Variants in NCF2 observed in about 807,000 individuals in gnomAD.
NCF2 encodes neutrophil cytosol factor 2.
Under a neutral mutation model 70.9 loss-of-function variants are expected in NCF2, and 45 were observed. The ratio of observed to expected loss-of-function variants is 0.63; its 90% CI spans 0.50 to 0.81. The LOEUF is 0.81. Among genes scored for constraint, NCF2 ranks in the 40% least tolerant of loss-of-function variants. The probability of loss-of-function intolerance (pLI) is 0.00; values close to 1 mark genes in which losing one functional copy is unlikely to be tolerated. For missense variants in NCF2, 522 were observed against 631.6 expected (o/e 0.83, Z 1.86); for synonymous variants, 203 against 233.6 (o/e 0.87, Z 1.19).
chr1:183,580,712 C>T (rs935222196), intron 2 of NCF2, among the ~76,000 whole-genome samples: 3 of 152,164 alleles, frequency 2.0e-5, no homozygotes, highest in Non-Finnish European at 4.4e-5. Context: ...TGCAGTGGCT[C>T]GTGCCGGTAA....
At chr1:183,588,277 TA>T (rs752642057) in intron 1 of NCF2, among the ~76,000 whole-genome samples, 5 of 152,000 alleles carry the variant, frequency 3.3e-5, no homozygotes, top group African/African-American at 4.8e-5. Flanking sequence ...CTGTGGAAGA[TA>T]AAAAAGATAG....
At chr1:183,579,544 G>A (rs978430257) in intron 2 of NCF2, among the ~76,000 whole-genome samples, 9 of 151,996 alleles carry the variant, frequency 5.9e-5, no homozygotes, top group Middle Eastern at 3.4e-3. Context: ...GGCTAAAATG[G>A]TGAAACCCCA....
intron 2 of NCF2, among the ~76,000 whole-genome samples, chr1:183,581,343 G>A (rs1467750086): frequency 6.7e-6 from 1 of 149,872 alleles, no homozygotes; most frequent in African/African-American, 2.5e-5. Flanking sequence ...CAAAAAAACA[G>A]GGTGGGGCCA....
At chr1:183,574,736 A>AGGAGAGCTGAGAAAG in intron 3 of NCF2, 115 bp from the exon 4 acceptor site, 1 of 1,282,342 alleles carries the variant, frequency 7.8e-7, no homozygotes, top group Non-Finnish European at 1.1e-6. Flanking sequence ...TCCCTTTCTC[A>AGGAGAGCTGAGAAAG]GCTCTCCTGG....
rs761230183 is a variant in NCF2, at chr1:183,590,392, C to T, written c.-63G>A. 7 of 1,596,086 alleles carry T rather than the reference C, an allele frequency of 4.4e-6. No individual in the cohort carries two copies. The South Asian group carries it at 4.4e-5, about 10-fold the overall frequency. ...GAGACAGAGAGAAGACAGGTTGGAG[C>T]GTCTCCCCTAGCAGGGCTGCCTTAG... On this transcript the variant is annotated 5_prime_UTR_variant, in exon 1 of 15. Coordinates refer to ENST00000367535, the MANE Select transcript of NCF2 (RefSeq NM_000433.4).
chr1:183,560,115 T>C lies in NCF2; in HGVS notation c.1449A>G (p.Ile483Met). The C allele has an allele frequency of 6.2e-7, 1 of 1,614,140 alleles. No homozygotes were observed. Among genetic ancestry groups the C allele is most frequent in the Non-Finnish European group, 8.5e-7 (1 of 1,179,988 alleles). The change falls in exon 14 of 15, where the codon ATA becomes ATG. Residue 483 changes from isoleucine (I) to methionine (M), a missense_variant. Coordinates refer to ENST00000367535, the MANE Select transcript of NCF2 (RefSeq NM_000433.4). The part of the protein sequence containing the change: ...PEDLEFQEGD[I>M]ILVLSKVNEE... ...ACTTACCCTTTGATAACACCAGGAT[T>C]ATATCCCCTTCCTGAAACTCCAGGT...
At chr1:183,591,683 A>T (rs1392050449), upstream of NCF2, among the ~76,000 whole-genome samples, 1 of 152,114 alleles carries the variant, frequency 6.6e-6, no homozygotes, top group Non-Finnish European at 1.5e-5. Context: ...GGGTTTCACC[A>T]TGTTGGCCAG....
intron 11 of NCF2, 92 bp from the exon 12 acceptor site, chr1:183,563,677 G>T: frequency 6.6e-7 from 1 of 1,511,664 alleles, no homozygotes; most frequent in South Asian, 1.1e-5. Context: ...TGGCACAGGG[G>T]GTACCCAATA....
At chr1:183,577,503 T>C in intron 3 of NCF2, 96 bp downstream of exon 3, 4 of 1,019,356 alleles carry the variant, frequency 3.9e-6, no homozygotes, top group Non-Finnish European at 6.2e-6. Context: ...TTTTCCAAGC[T>C]CCTGGAGGTG....
intron 7 of NCF2, among the ~76,000 whole-genome samples, chr1:183,568,386 C>T (rs1213938294): frequency 1.3e-5 from 2 of 151,860 alleles, no homozygotes; most frequent in African/African-American, 2.4e-5. Flanking sequence ...CGGCTGGTCT[C>T]GAACTCCTGA....
At chr1:183,556,678 G>C (rs1671799857) in intron 14 of NCF2, among the ~76,000 whole-genome samples, 1 of 152,022 alleles carries the variant, frequency 6.6e-6, no homozygotes, top group African/African-American at 2.4e-5. Flanking sequence ...ACTACAGGCT[G>C]TGCCACCACG....
At chr1:183,596,288 A>G in the NCF2 span, among the ~76,000 whole-genome samples, 2 of 150,282 alleles carry the variant, frequency 1.3e-5, no homozygotes, top group East Asian at 3.9e-4. Flanking sequence ...GAGGGAATGT[A>G]TAATGCCTAT....
At chr1:183,574,717 T>C (rs1572163573) in intron 3 of NCF2, 96 bp from the exon 4 acceptor site, 1 of 1,462,176 alleles carries the variant, frequency 6.8e-7, no homozygotes, top group South Asian at 1.1e-5. Flanking sequence ...TGTTGCCTGG[T>C]AGCCTTTCTC....
At position 183,563,312 on chromosome 1, in the gene NCF2, T is replaced by C; in HGVS notation, c.1179-6A>G. On this transcript the variant is annotated splice_region_variant and splice_polypyrimidine_tract_variant and intron_variant, in intron 12 of 14. Transcript: ENST00000367535. ...TGCTGTCCCGAGGCCGATAGCTGGG[T>C]GGGGATAATGAGTAAGAATCCAGTC... is the stretch of plus-strand genomic sequence containing the variant. 1 of 1,613,932 alleles carries C rather than the reference T, an allele frequency of 6.2e-7. No homozygotes were observed. Among genetic ancestry groups the C allele is most frequent in the Non-Finnish European group, 8.5e-7 (1 of 1,179,962 alleles).
upstream of NCF2, among the ~76,000 whole-genome samples, chr1:183,594,485 G>A (rs1673736245): frequency 1.3e-5 from 2 of 152,102 alleles, no homozygotes; most frequent in Non-Finnish European, 1.5e-5. Context: ...TAGATAATAA[G>A]TTTGTTTATT....
intron 2 of NCF2, among the ~76,000 whole-genome samples, chr1:183,581,122 A>T (rs1673042827): frequency 6.6e-6 from 1 of 151,900 alleles, no homozygotes; most frequent in African/African-American, 2.4e-5. Context: ...CTCTACTAAA[A>T]GTACAAAAAA....
At chr1:183,590,689 T>G, upstream of NCF2, 1 of 347,382 alleles carries the variant, frequency 2.9e-6, no homozygotes. Flanking sequence ...TCCTCTTCTC[T>G]CTCCCACCCC....
intron 13 of NCF2, among the ~76,000 whole-genome samples, chr1:183,562,622 C>G (rs1364841797): frequency 6.6e-6 from 1 of 152,116 alleles, no homozygotes; most frequent in Non-Finnish European, 1.5e-5. Flanking sequence ...ATCACAAGGT[C>G]AGGAGTTCAA....
intron 1 of NCF2, 63 bp from the exon 2 acceptor site, chr1:183,587,040 C>T (rs1673386785): frequency 6.8e-7 from 1 of 1,472,152 alleles, no homozygotes; most frequent in South Asian, 1.1e-5. Context: ...TGAGATGAGC[C>T]ACGGCTCACA....
Sources: allele counts gnomAD v4.1 joint callset (sites outside exome capture counted in the v4.1 genomes callset), GRCh38; gene constraint gnomAD v4.1.1; transcripts MANE v1.5; gene names NCBI Gene and HGNC (gene_info 2026-07-23, HGNC 2026-07-21).